The following CNPY4 variants were observed in gnomAD, a reference collection of about 807,000 sequenced individuals.
The protein encoded by CNPY4 is canopy FGF signaling regulator 4.
In CNPY4, 33 loss-of-function variants were observed where a neutral mutation model predicts 30.1. The observed-to-expected ratio is 1.10, with a 90% CI of 0.83 to 1.46. The LOEUF (loss-of-function observed/expected upper bound fraction) is 1.46. Ranked by LOEUF, CNPY4 falls within the 40% of genes most tolerant of loss-of-function variation. The probability of loss-of-function intolerance (pLI) is 0.00; values close to 1 mark genes in which losing one functional copy is unlikely to be tolerated. For missense variants in CNPY4, 324 were observed against 302.6 expected, an observed-to-expected ratio of 1.07 and a Z score of -0.52; for synonymous variants, 109 against 110.1, an observed-to-expected ratio of 0.99 and a Z score of 0.06.
intron 1 of CNPY4, 50 bp from the exon 2 acceptor site, chr7:100,122,209 C>T (rs1798092370): frequency 5.6e-6 from 9 of 1,608,456 alleles, no homozygotes; most frequent in Non-Finnish European, 6.8e-6. Flanking sequence ...GAATGAATGG[C>T]TGGTGTGTTT....
In CNPY4 at chr7:100,119,716, C is replaced by T. The variant is rs1352295540; in HGVS notation, c.-29C>T. 6.2e-7 allele frequency: 1 copy of T among 1,613,934 alleles called. No individual in the cohort carries two copies. The highest frequency in any genetic ancestry group is 1.1e-5 in the South Asian group (1 of 91,060). On this transcript the variant is annotated 5_prime_UTR_variant, in exon 1 of 6. Transcript: ENST00000262932. ...CTACCTTCCCGAAGTTGAAGGCAAG[C>T]GGTGATTGTTTGTAGACGGCGCTTT... is the stretch of plus-strand genomic sequence containing the variant.
chr7:100,124,636 G>T lies in CNPY4; in HGVS notation c.583+5G>T. ...TGCTCCCAGCTGCTGAAACTGGTAA[G>T]CGTAAGGGTTGAACTCCTCTCCTGC... On this transcript the variant is annotated splice_donor_5th_base_variant and intron_variant, in intron 5 of 5. Coordinates refer to ENST00000262932, the MANE Select transcript of CNPY4 (RefSeq NM_152755.2). 1 of 1,612,828 alleles carries T rather than the reference G, an allele frequency of 6.2e-7. No homozygotes were observed. Among genetic ancestry groups the T allele is most frequent in the African/African-American group, 1.3e-5 (1 of 74,812 alleles).
At chr7:100,124,652 C>A in intron 5 of CNPY4, 21 bp downstream of exon 5, 2 of 1,611,522 alleles carry the variant, frequency 1.2e-6, no homozygotes, top group Admixed American at 1.7e-5. Context: ...GGGTTGAACT[C>A]CTCTCCTGCC....
At chr7:100,122,937 GTGAGAAGGGAACC>G in intron 4 of CNPY4, 31 bp downstream of exon 4, 1 of 1,587,876 alleles carries the variant, frequency 6.3e-7, no homozygotes, top group Non-Finnish European at 8.6e-7. Context: ...ATCCAGGGAG[GTGAGAAGGGAACC>G]TGAGAGGGGA....
rs992963330 is a variant in CNPY4 at position 100,125,134 on chromosome 7, T to C, written c.*246T>C. On this transcript the variant is annotated 3_prime_UTR_variant, in exon 6 of 6. Coordinates refer to ENST00000262932, the MANE Select transcript of CNPY4 (RefSeq NM_152755.2). Reference sequence around the variant, plus strand: ...TCTATCCAGCCCCTTAATTGGCAGGTGTATGTGCTGACAGTACTGAAAGCT... The same window carrying C: ...TCTATCCAGCCCCTTAATTGGCAGGCGTATGTGCTGACAGTACTGAAAGCT... The C allele has an allele frequency of 1.0e-5, 5 of 484,158 alleles. No individual in the cohort carries two copies. Among genetic ancestry groups the C allele is most frequent in the Non-Finnish European group, 1.1e-5 (3 of 274,628 alleles). 30.0% of individuals were successfully genotyped at this position (484,158 alleles called of 1,614,324 possible).
At position 100,124,951 on chromosome 7, in the gene CNPY4, TC is replaced by T. The variant is rs1798174939; in HGVS notation, c.*66del. 6.6e-7 allele frequency: 1 copy of T among 1,511,992 alleles called. No homozygotes were observed. The highest frequency in any genetic ancestry group is 8.9e-7 in the Non-Finnish European group (1 of 1,128,310). 93.7% of individuals were successfully genotyped at this position (1,511,992 alleles called of 1,614,324 possible). A position where few individuals can be genotyped will look rare whatever the true frequency, so the allele number is the denominator to read the frequency against. On this transcript the variant is annotated 3_prime_UTR_variant, in exon 6 of 6. Transcript: ENST00000262932. ...GGAGAGCCCTCTAAAGCCTGCACTC[TC>T]CCTGCTCCACAGCTTTCAGGGTGTG...
At chr7:100,123,599 C>A (rs1022779679) in intron 4 of CNPY4, among the ~76,000 whole-genome samples, 1 of 152,078 alleles carries the variant, frequency 6.6e-6, no homozygotes, top group Non-Finnish European at 1.5e-5. Context: ...CGGCTCACCG[C>A]GACCTCCGCC....
rs1798103494 is a variant in CNPY4 at position 100,122,439 on chromosome 7, C to G, written c.246-42C>G. On this transcript the variant is annotated intron_variant, in intron 2 of 5. Coordinates refer to ENST00000262932, the MANE Select transcript of CNPY4 (RefSeq NM_152755.2). Reference sequence around the variant, plus strand: ...AACCCCCAACGGAGCCCTGGGAGTTCCTACAGCATCCAGGGAATCTTTGTT... The same window carrying G: ...AACCCCCAACGGAGCCCTGGGAGTTGCTACAGCATCCAGGGAATCTTTGTT... The G allele has an allele frequency of 1.9e-6, 3 of 1,613,858 alleles. No homozygotes were observed. In the African/African-American group the frequency reaches 4.0e-5, roughly 22 times the overall value.
Position 100,122,381 on chromosome 7 carries a change from G to GTTTCGTGAGTCCTTCGTGCTCCTCCCC in CNPY4, c.245+1_245+27dup, listed in dbSNP as rs1562939287. On this transcript the variant is annotated stop_gained and inframe_insertion, in exon 2 of 6. Coordinates refer to ENST00000262932, the MANE Select transcript of CNPY4 (RefSeq NM_152755.2). LOFTEE classifies it high-confidence loss of function. The stretch of plus-strand genomic sequence containing the variant: ...GAGGAAGAGACACGTGCCTTACAGC[G>GTTTCGTGAGTCCTTCGTGCTCCTCCCC]TTTCGTGAGTCCTTCGTGCTCCTCC... The GTTTCGTGAGTCCTTCGTGCTCCTCCCC allele has an allele frequency of 1.9e-6, 3 of 1,614,124 alleles. No homozygotes were observed. The highest frequency in any genetic ancestry group is 2.5e-6 in the Non-Finnish European group (3 of 1,180,028).
chr7:100,122,486 C>G lies in CNPY4; in HGVS notation c.251C>G (p.Thr84Arg). 1 of 1,613,948 alleles carries G rather than the reference C, an allele frequency of 6.2e-7. No individual in the cohort carries two copies. The highest frequency in any genetic ancestry group is 1.7e-5 in the Admixed American group (1 of 59,988). ...KRHVPYSVSE[T>R]RLEEALENLC... The stretch of plus-strand genomic sequence containing the variant: ...TGTTTCCTCTCTTTCCACAGAGAGA[C>G]AAGGCTGGAAGAGGCCTTAGAGAAT... Residue 84 changes from threonine to arginine, a missense_variant, in exon 3 of 6, where the codon ACA (threonine) becomes AGA (arginine). Physicochemically the swap from Thr to Arg is moderately conservative, Grantham distance 71 (BLOSUM62 -1). Transcript: ENST00000262932.
intron 4 of CNPY4, among the ~76,000 whole-genome samples, chr7:100,123,170 C>CTTTT: frequency 6.6e-6 from 1 of 151,920 alleles, no homozygotes; most frequent in East Asian, 1.9e-4. Context: ...GGCAAAACCC[C>CTTTT]GTCTTTAATA....
Position 100,122,369 on chromosome 7 carries a change from G to C in CNPY4, c.229G>C (p.Val77Leu), listed in dbSNP as rs1024455931. ...GGATACAGGCAAGAGGAAGAGACAC[G>C]TGCCTTACAGCGTTTCGTGAGTCCT... ...VLDTGKRKRH[V>L]PYSVSETRLE... Residue 77 changes from valine (V) to leucine (L), a missense_variant, in exon 2 of 6, where the codon GTG becomes CTG. By Grantham distance (32) the Val-to-Leu change is conservative (BLOSUM62 1). Transcript: ENST00000262932. The C allele has an allele frequency of 1.2e-6, 2 of 1,614,020 alleles. No homozygotes were observed. The highest frequency in any genetic ancestry group is 1.3e-5 in the African/African-American group (1 of 74,914).
At chr7:100,122,745 G>C (rs765919010) in intron 3 of CNPY4, 39 bp from the exon 4 acceptor site, 1 of 1,594,304 alleles carries the variant, frequency 6.3e-7, no homozygotes, top group South Asian at 1.1e-5. Flanking sequence ...GAGGGGTGGG[G>C]TGGTGAGCTG....
In CNPY4 at chr7:100,124,920, G is replaced by A; in HGVS notation, c.*32G>A. The A allele has an allele frequency of 6.4e-7, 1 of 1,552,194 alleles. No homozygotes were observed. The highest frequency in any genetic ancestry group is 1.3e-5 in the South Asian group (1 of 79,492). The stretch of plus-strand genomic sequence containing the variant: ...CCTTTGAGCCCCCAGGAGGGGAAGG[G>A]ATCATGGAGAGCCCTCTAAAGCCTG... On this transcript the variant is annotated 3_prime_UTR_variant, in exon 6 of 6. Coordinates refer to ENST00000262932, the MANE Select transcript of CNPY4 (RefSeq NM_152755.2).
Position 100,122,849 on chromosome 7 carries a change from G to A in CNPY4, c.408G>A (p.Gly136=). ...LVQKGVKVDL[G]IPLELWDEPS... The stretch of plus-strand genomic sequence containing the variant: ...AGAAGGGGGTGAAGGTGGATCTGGG[G>A]ATCCCTCTGGAGCTTTGGGATGAGC... Residue 136 remains glycine (G), a synonymous_variant, in exon 4 of 6, where the codon GGG becomes GGA. Transcript: ENST00000262932. 6.2e-7 allele frequency: 1 copy of A among 1,613,906 alleles called. No homozygotes were observed. Among genetic ancestry groups the A allele is most frequent in the Non-Finnish European group, 8.5e-7 (1 of 1,179,988 alleles).
chr7:100,121,156 T>TTTTTTTTTTTTG (rs1435579317), intron 1 of CNPY4: 1 of 114,014 alleles, frequency 8.8e-6, no homozygotes, highest in Non-Finnish European at 1.7e-5. Flanking sequence ...TTTTTCTCTT[T>TTTTTTTTTTTTG]TCAGACAGCG....
Position 100,124,854 on chromosome 7 carries a change from G to A in CNPY4, c.713G>A (p.Gly238Glu). Residue 238 changes from glycine (G) to glutamate (E), a missense_variant, in exon 6 of 6, where the codon GGA becomes GAA. By Grantham distance (98) the Gly-to-Glu change is moderately conservative. Transcript: ENST00000262932. ...GGGGGAGACAAGATGACCAAGACAG[G>A]AAGCCACCCCAAACTTGACCGAGAA... ...EEGGDKMTKTGSHPKLDREDL is the reference protein window; with the variant it reads ...EEGGDKMTKTESHPKLDREDL The A allele has an allele frequency of 6.2e-7, 1 of 1,607,608 alleles. No individual in the cohort carries two copies. Among genetic ancestry groups the A allele is most frequent in the South Asian group, 1.1e-5 (1 of 90,132 alleles).
Position 100,122,307 on chromosome 7 carries a change from GTCGATC to G in CNPY4, c.172_177del (p.Ser58_Arg59del). The G allele has an allele frequency of 6.2e-7, 1 of 1,614,130 alleles. No homozygotes were observed. Among genetic ancestry groups the G allele is most frequent in the Non-Finnish European group, 8.5e-7 (1 of 1,180,012 alleles). ...CTACAGGCGGAACTGAGTCGCACCGGTCGATCTCGAGAGGTGCTGGAGCTGGGGCAG... is the reference window on the plus strand; with the variant it reads ...CTACAGGCGGAACTGAGTCGCACCGGTCGAGAGGTGCTGGAGCTGGGGCAG... On this transcript the variant is annotated inframe_deletion, in exon 2 of 6. Transcript: ENST00000262932.
At chr7:100,122,754 T>C (rs1214105439) in intron 3 of CNPY4, 30 bp from the exon 4 acceptor site, 35 of 1,602,704 alleles carry the variant, frequency 2.2e-5, no homozygotes, top group Non-Finnish European at 2.7e-5. Context: ...GGTGGTGAGC[T>C]GGGCTGATGC....
Sources: allele counts gnomAD v4.1 joint callset (sites outside exome capture counted in the v4.1 genomes callset), GRCh38; gene constraint gnomAD v4.1.1; transcripts MANE v1.5; gene names NCBI Gene and HGNC (gene_info 2026-07-23, HGNC 2026-07-21).